The following AFF1 variants were observed in gnomAD, a reference collection of about 807,000 sequenced individuals.
The protein encoded by AFF1 is ALF transcription elongation factor 1.
A neutral mutation model predicts 121.7 loss-of-function variants in AFF1; 48 were observed. The ratio of observed to expected loss-of-function variants is 0.39; its 90% CI spans 0.31 to 0.50. The LOEUF is 0.50. AFF1 is among the 20% of genes least tolerant of loss of function. AFF1 has a pLI of 0.76. For missense variants in AFF1, 1,523 were observed against 1,511.7 expected (o/e 1.01, Z -0.12); for synonymous variants, 613 against 563.0 (o/e 1.09, Z -1.26).
chr4:86,989,143 T>C (rs1470138085), intron 2 of AFF1, among the ~76,000 whole-genome samples: 1 of 152,114 alleles, frequency 6.6e-6, no homozygotes, highest in Non-Finnish European at 1.5e-5. Context: ...ACTTCATGAC[T>C]AAAACAACAA....
At chr4:86,970,044 G>A (rs1407821122) in intron 2 of AFF1, among the ~76,000 whole-genome samples, 1 of 151,838 alleles carries the variant, frequency 6.6e-6, no homozygotes, top group Non-Finnish European at 1.5e-5. Flanking sequence ...CTGAAAGGGG[G>A]TGCACCAACT....
chr4:87,073,553 A>T (rs1161262999), intron 4 of AFF1, among the ~76,000 whole-genome samples: 1 of 152,166 alleles, frequency 6.6e-6, no homozygotes, highest in Non-Finnish European at 1.5e-5. Context: ...CAGAAAACCA[A>T]CACCTACTCC....
chr4:87,032,544 A>G (rs1177704415), intron 2 of AFF1, among the ~76,000 whole-genome samples: 2 of 152,172 alleles, frequency 1.3e-5, no homozygotes, highest in African/African-American at 2.4e-5. Context: ...ATATGCAAAT[A>G]AGGTTAGGTA....
At chr4:87,092,008 G>T (rs1000087806) in intron 7 of AFF1, among the ~76,000 whole-genome samples, 179 bp downstream of exon 7, 1 of 152,224 alleles carries the variant, frequency 6.6e-6, no homozygotes, top group Non-Finnish European at 1.5e-5. Context: ...TGTTGACCAG[G>T]CGCAGTGGCT....
chr4:87,080,319 A>G (rs1723044612), intron 4 of AFF1, among the ~76,000 whole-genome samples: 2 of 152,226 alleles, frequency 1.3e-5, no homozygotes, highest in African/African-American at 4.8e-5. Context: ...TGATTCATGC[A>G]ACTATCATAG....
At chr4:87,108,128 C>T in intron 10 of AFF1, 31 bp from the exon 11 acceptor site, 1 of 1,608,716 alleles carries the variant, frequency 6.2e-7, no homozygotes, top group Non-Finnish European at 8.5e-7. Flanking sequence ...TGTATCGTGC[C>T]TTCTAATTTT....
chr4:87,044,007 T>G (rs1319028502), intron 2 of AFF1, among the ~76,000 whole-genome samples: 1 of 152,046 alleles, frequency 6.6e-6, no homozygotes, highest in Non-Finnish European at 1.5e-5. Flanking sequence ...TTAGTAGAGA[T>G]AGGGTTCACC....
intron 12 of AFF1, among the ~76,000 whole-genome samples, chr4:87,119,245 C>T (rs766752118): frequency 8.5e-5 from 13 of 152,172 alleles, no homozygotes; most frequent in Non-Finnish European, 1.6e-4. Context: ...ACAATATATA[C>T]AGTAATACAC....
intron 2 of AFF1, among the ~76,000 whole-genome samples, chr4:86,988,178 T>C (rs918035691): frequency 6.6e-6 from 1 of 152,144 alleles, no homozygotes; most frequent in African/African-American, 2.4e-5. Context: ...TTCTTTATGC[T>C]GGGAACATTT....
chr4:86,954,830 A>G (rs550873622), intron 2 of AFF1, among the ~76,000 whole-genome samples: 4 of 152,348 alleles, frequency 2.6e-5, no homozygotes, highest in Non-Finnish European at 4.4e-5. Flanking sequence ...GAAAGAGGAA[A>G]GTCTTCATGT....
At chr4:87,084,441 G>A (rs1723492589) in intron 5 of AFF1, among the ~76,000 whole-genome samples, 1 of 151,944 alleles carries the variant, frequency 6.6e-6, no homozygotes, top group Non-Finnish European at 1.5e-5. Context: ...TACTCAGGAG[G>A]CTGAGTCAGG....
chr4:86,976,863 T>C (rs1473482568), intron 2 of AFF1, among the ~76,000 whole-genome samples: 1 of 152,250 alleles, frequency 6.6e-6, no homozygotes, highest in Non-Finnish European at 1.5e-5. Flanking sequence ...TAACTCTTTG[T>C]GCCTCAGTTT....
chr4:87,043,105 C>G (rs1268880259), intron 2 of AFF1, among the ~76,000 whole-genome samples: 3 of 152,192 alleles, frequency 2.0e-5, no homozygotes, highest in African/African-American at 7.2e-5. Flanking sequence ...TTTGGAGTTC[C>G]CTTCTCTGAG....
intron 4 of AFF1, among the ~76,000 whole-genome samples, chr4:87,053,600 C>T (rs1731473927): frequency 6.6e-6 from 1 of 152,226 alleles, no homozygotes; most frequent in Non-Finnish European, 1.5e-5. Flanking sequence ...CTGCACCACT[C>T]AAAACACATT....
intron 2 of AFF1, among the ~76,000 whole-genome samples, chr4:86,958,086 T>TC (rs1721876451): frequency 8.3e-6 from 1 of 121,108 alleles, no homozygotes. Context: ...TTTTCTTTTT[T>TC]TTTCCTTTTT....
At chr4:87,089,817 A>G (rs996684507) in intron 5 of AFF1, among the ~76,000 whole-genome samples, 167 bp from the exon 6 acceptor site, 1 of 152,238 alleles carries the variant, frequency 6.6e-6, no homozygotes, top group African/African-American at 2.4e-5. Context: ...ACTTTTCAAC[A>G]TAGCCCACTG....
intron 12 of AFF1, among the ~76,000 whole-genome samples, chr4:87,115,769 C>T (rs1399840911): frequency 6.6e-6 from 1 of 151,710 alleles, no homozygotes; most frequent in South Asian, 2.1e-4. Flanking sequence ...CCACCACACC[C>T]GGCTAATTTT....
At chr4:87,120,351 G>A (rs897874635) in intron 12 of AFF1, among the ~76,000 whole-genome samples, 1 of 152,206 alleles carries the variant, frequency 6.6e-6, no homozygotes, top group Non-Finnish European at 1.5e-5. Flanking sequence ...TGTGTTGCAT[G>A]TGCTACCAAG....
At chr4:87,125,767 T>C (rs1211308389) in intron 13 of AFF1, among the ~76,000 whole-genome samples, 1 of 152,148 alleles carries the variant, frequency 6.6e-6, no homozygotes, top group African/African-American at 2.4e-5. Context: ...TGGGGAAGGC[T>C]CAGATGTGGA....
Sources: gnomAD v4.1 joint callset for allele counts (sites outside exome capture counted in the v4.1 genomes callset) on GRCh38, gnomAD v4.1.1 for gene constraint, MANE v1.5 for transcripts, NCBI Gene and HGNC (gene_info 2026-07-23, HGNC 2026-07-21) for gene names.